The following CCDC152 variants were observed in gnomAD, a reference collection of about 807,000 sequenced individuals.
CCDC152 encodes the protein coiled-coil domain containing 152.
In CCDC152, 37 loss-of-function variants were observed where a neutral mutation model predicts 38.1. That is an observed-to-expected ratio of 0.97 (90% CI 0.75 to 1.28). CCDC152 has a LOEUF of 1.28. Among genes scored for constraint, CCDC152 ranks in the 50% most tolerant of loss-of-function variants. The pLI is 0.00. For missense variants in CCDC152, 259 were observed against 292.1 expected (o/e 0.89, Z 0.83); for synonymous variants, 83 against 87.1 (o/e 0.95, Z 0.26).
chr5:42,760,698 GCA>G (rs895156809), intron 2 of CCDC152, among the ~76,000 whole-genome samples: 16 of 151,840 alleles, frequency 1.1e-4, no homozygotes, highest in African/African-American at 3.1e-4. Context: ...CTTTTCGTCA[GCA>G]CACACACACA....
chr5:42,772,128 T>G (rs755426178), intron 4 of CCDC152, among the ~76,000 whole-genome samples: 1 of 152,200 alleles, frequency 6.6e-6, no homozygotes, highest in African/African-American at 2.4e-5. Flanking sequence ...ATCAATGTGA[T>G]ACACCATGTG....
chr5:42,801,649 G>C lies in CCDC152; in HGVS notation c.*1868G>C, dbSNP rs1276313561. The C allele has an allele frequency of 2.8e-6, 1 of 354,586 alleles. No individual in the cohort carries two copies. Among genetic ancestry groups the C allele is most frequent in the East Asian group, 4.3e-5 (1 of 23,066 alleles). 22.0% of individuals were successfully genotyped at this position (354,586 alleles called of 1,614,324 possible). A position where few individuals can be genotyped will look rare whatever the true frequency, so the allele number is the denominator to read the frequency against. ...CAGTTGATCTGGGCCGAGCATGGTG[G>C]CTCATGCCTGTAATCCCACCACTTT... On this transcript the variant is annotated 3_prime_UTR_variant, in exon 9 of 9. Coordinates refer to ENST00000361970, the MANE Select transcript of CCDC152 (RefSeq NM_001134848.2).
intron 5 of CCDC152, among the ~76,000 whole-genome samples, chr5:42,780,158 T>C (rs1326276167): frequency 1.3e-5 from 2 of 152,170 alleles, no homozygotes; most frequent in Non-Finnish European, 2.9e-5. Flanking sequence ...AGAGCTAATA[T>C]GTCAAATTCT....
chr5:42,772,583 G>A (rs1483748842), intron 4 of CCDC152, among the ~76,000 whole-genome samples: 8 of 151,562 alleles, frequency 5.3e-5, no homozygotes, highest in Admixed American at 5.3e-4. Flanking sequence ...CCAGGGAGTT[G>A]GAGGTTGCAG....
chr5:42,796,466 GCAGGGGCTT>G (rs1174621710), intron 6 of CCDC152, among the ~76,000 whole-genome samples: 3 of 152,166 alleles, frequency 2.0e-5, no homozygotes, highest in Non-Finnish European at 4.4e-5. Context: ...GAATAGTATA[GCAGGGGCTT>G]CATGTAGCTC....
rs746164484 is a variant in CCDC152, at chr5:42,757,547, A to G, written c.-3+662A>G. ...CACAAATCAGTCTCTGCGGCTCACT[A>G]AGGAATTTGACAAGCACTGAATCAC... On this transcript the variant is annotated intron_variant, in intron 1 of 8. Transcript: ENST00000361970. Among the ~76,000 whole-genome samples the G allele has an allele frequency of 1.6e-3, 245 of 152,254 alleles. 8 individuals are homozygous for G. Among genetic ancestry groups the G allele is most frequent in the Non-Finnish European group, 1.1e-3 (78 of 68,002 alleles).
intron 4 of CCDC152, 28 bp downstream of exon 4, chr5:42,769,693 A>T: frequency 6.8e-7 from 1 of 1,467,504 alleles, no homozygotes; most frequent in Non-Finnish European, 9.0e-7. Flanking sequence ...GTAAAATCTA[A>T]AAAAGCATTG....
chr5:42,759,634 C>CT (rs1472520237), intron 2 of CCDC152, among the ~76,000 whole-genome samples: 1 of 152,212 alleles, frequency 6.6e-6, no homozygotes, highest in African/African-American at 2.4e-5. Flanking sequence ...TCCATTGTCT[C>CT]TGTCAGTCCT....
chr5:42,769,247 C>CA (rs1183458625), intron 3 of CCDC152, among the ~76,000 whole-genome samples: 1,903 of 131,188 alleles, frequency 0.015, 37 homozygotes, highest in African/African-American at 0.048. Context: ...GACTCTGTCT[C>CA]AAAAAAAAAA....
intron 3 of CCDC152, 35 bp from the exon 4 acceptor site, chr5:42,769,562 G>A: frequency 7.0e-7 from 1 of 1,433,480 alleles, no homozygotes; most frequent in Non-Finnish European, 9.2e-7. Context: ...ATGAAAGCAA[G>A]GGATTTTAAA....
intron 4 of CCDC152, among the ~76,000 whole-genome samples, chr5:42,770,502 T>A (rs1475573216): frequency 6.6e-6 from 1 of 152,136 alleles, no homozygotes; most frequent in Non-Finnish European, 1.5e-5. Flanking sequence ...ACATGTCTTT[T>A]TTTTTTTAAC....
chr5:42,799,648 G>C lies in CCDC152; in HGVS notation c.643-11G>C, dbSNP rs1202536678. On this transcript the variant is annotated splice_polypyrimidine_tract_variant and intron_variant, in intron 8 of 8. Transcript: ENST00000361970. ...TCTGAATTCTAATAACAAATTTTTT[G>C]TTTCGTTTAGAAACTTCAGCATTTT... The C allele has an allele frequency of 6.6e-7, 1 of 1,526,328 alleles. No homozygotes were observed. The highest frequency in any genetic ancestry group is 8.8e-7 in the Non-Finnish European group (1 of 1,134,336). The allele number at this position is 1,526,328 out of a possible 1,614,324, so 94.5% of individuals were successfully genotyped here.
At chr5:42,772,976 C>A (rs1759720863) in intron 4 of CCDC152, among the ~76,000 whole-genome samples, 3 of 152,120 alleles carry the variant, frequency 2.0e-5, no homozygotes, top group Admixed American at 2.0e-4. Context: ...CATCCAAGCT[C>A]CAAGGGAGTT....
At chr5:42,759,838 G>A (rs1435478770) in intron 2 of CCDC152, among the ~76,000 whole-genome samples, 1 of 151,968 alleles carries the variant, frequency 6.6e-6, no homozygotes, top group Non-Finnish European at 1.5e-5. Flanking sequence ...TATTATTATT[G>A]TTATTAACCT....
intron 6 of CCDC152, among the ~76,000 whole-genome samples, chr5:42,791,002 G>C (rs765893666): frequency 2.0e-5 from 3 of 152,114 alleles, no homozygotes; most frequent in Non-Finnish European, 2.9e-5. Flanking sequence ...TGTGGTTCTT[G>C]TTGGCCTCTC....
chr5:42,791,752 T>A (rs894511475), intron 6 of CCDC152, among the ~76,000 whole-genome samples: 6 of 152,196 alleles, frequency 3.9e-5, no homozygotes, highest in African/African-American at 1.4e-4. Context: ...TGCTAGGATA[T>A]TACATCTGTG....
At chr5:42,764,989 T>C (rs1759606180) in intron 3 of CCDC152, among the ~76,000 whole-genome samples, 2 of 152,232 alleles carry the variant, frequency 1.3e-5, no homozygotes, top group African/African-American at 2.4e-5. Context: ...AAATTATTCT[T>C]GTTTGCAGAT....
At chr5:42,769,949 TTCTTGGTCTTTA>T (rs1759675436) in intron 4 of CCDC152, among the ~76,000 whole-genome samples, 1 of 152,242 alleles carries the variant, frequency 6.6e-6, no homozygotes, top group Non-Finnish European at 1.5e-5. Flanking sequence ...CTCAGTAGCA[TTCTTGGTCTTTA>T]ATAATCTTGT....
intron 4 of CCDC152, 142 bp downstream of exon 4, chr5:42,769,807 A>G: frequency 1.0e-6 from 1 of 998,706 alleles, no homozygotes; most frequent in Non-Finnish European, 1.4e-6. Context: ...ATACTTTCCT[A>G]GATGATTATG....
Sources: allele counts gnomAD v4.1 joint callset (sites outside exome capture counted in the v4.1 genomes callset), GRCh38; gene constraint gnomAD v4.1.1; transcripts MANE v1.5; gene names NCBI Gene and HGNC (gene_info 2026-07-23, HGNC 2026-07-21).